ADCY1: variants seen among roughly 807,000 people sequenced by gnomAD.
ADCY1 encodes adenylate cyclase 1, also known as adenylate cyclase type 1.
ADCY1 carries 28 observed loss-of-function variants against 105.4 expected under a neutral mutation model. The ratio of observed to expected loss-of-function variants is 0.27; its 90% CI spans 0.20 to 0.36. The LOEUF is 0.36. Ranked by LOEUF, ADCY1 falls within the 10% of genes least tolerant of loss-of-function variation. The pLI is 1.00. For synonymous variants in ADCY1, 655 were observed against 623.8 expected (o/e 1.05, Z -0.75); for missense variants, 977 against 1,434.2 (o/e 0.68, Z 5.15).
chr7:45,625,282 C>T (rs1794019986), intron 4 of ADCY1, among the ~76,000 whole-genome samples: 1 of 152,170 alleles, frequency 6.6e-6, no homozygotes, highest in Admixed American at 6.5e-5. Context: ...TTGAAACCTA[C>T]TTGGCTCTTT....
intron 3 of ADCY1, among the ~76,000 whole-genome samples, chr7:45,620,430 A>C (rs961713687): frequency 1.3e-4 from 20 of 152,214 alleles, no homozygotes; most frequent in African/African-American, 4.8e-4. Context: ...AGTGTCAGGG[A>C]CTTAAGGGAC....
At chr7:45,644,244 C>T (rs542243674) in intron 4 of ADCY1, among the ~76,000 whole-genome samples, 19 of 152,280 alleles carry the variant, frequency 1.2e-4, no homozygotes, top group South Asian at 2.1e-4. Flanking sequence ...GGCCCTAGAG[C>T]GGCCTGGGCA....
intron 4 of ADCY1, among the ~76,000 whole-genome samples, chr7:45,642,091 C>T (rs1036090494): frequency 1.3e-5 from 2 of 152,038 alleles, no homozygotes; most frequent in African/African-American, 4.8e-5. Flanking sequence ...GTTTATTACT[C>T]ACAGCCTGTA....
intron 4 of ADCY1, among the ~76,000 whole-genome samples, chr7:45,627,680 A>G (rs1259206018): frequency 6.6e-6 from 1 of 152,192 alleles, no homozygotes; most frequent in African/African-American, 2.4e-5. Context: ...CTTTTTGGCC[A>G]GCAGGAGCCT....
chr7:45,705,421 C>G (rs1371948817), intron 17 of ADCY1, among the ~76,000 whole-genome samples: 1 of 151,940 alleles, frequency 6.6e-6, no homozygotes, highest in Non-Finnish European at 1.5e-5. Context: ...TTTAGTATTC[C>G]AAAATTAATT....
In ADCY1 at chr7:45,717,568, A is replaced by T. The variant is rs571292015; in HGVS notation, c.*3573A>T. The T allele has an allele frequency of 1.3e-5, 2 of 152,300 alleles. No individual in the cohort carries two copies. The highest frequency in any genetic ancestry group is 4.8e-5 in the African/African-American group (2 of 41,442). The allele number at this position is 152,300 out of a possible 1,614,324, so 9.4% of individuals were successfully genotyped here. A position where few individuals can be genotyped will look rare whatever the true frequency, so the allele number is the denominator to read the frequency against. On this transcript the variant is annotated 3_prime_UTR_variant, in exon 20 of 20. Coordinates refer to ENST00000297323, the MANE Select transcript of ADCY1 (RefSeq NM_021116.4). ...CAGGTGCTGCCTGTTTACTCGTACCAAAAATGAAGACAAGCCCCACACCCA... is the reference window on the plus strand; with the variant it reads ...CAGGTGCTGCCTGTTTACTCGTACCTAAAATGAAGACAAGCCCCACACCCA...
At chr7:45,697,593 T>C (rs1784911948) in intron 14 of ADCY1, among the ~76,000 whole-genome samples, 1 of 152,192 alleles carries the variant, frequency 6.6e-6, no homozygotes, top group South Asian at 2.1e-4. Flanking sequence ...TTTCTCCATG[T>C]TGGTCAGGCT....
Position 45,574,553 on chromosome 7 carries a change from G to A in ADCY1, c.10G>A (p.Ala4Thr), listed in dbSNP as rs1792261054. The change falls in exon 1 of 20, where the codon GCG becomes ACG. Residue 4 changes from alanine to threonine, a missense_variant. Ala to Thr is a moderately conservative substitution (Grantham distance 58, BLOSUM62 0). Coordinates refer to ENST00000297323, the MANE Select transcript of ADCY1 (RefSeq NM_021116.4). The surrounding 1 kb of genome is among the most constrained non-coding windows in gnomAD (Gnocchi z 7.0). The part of the protein sequence containing the change: MAG[A>T]PRGGGGGGGG... ...GCTGCATGGCGCTGAGATGGCGGGG[G>A]CGCCGCGCGGCGGAGGCGGCGGCGG... The A allele has an allele frequency of 3.1e-6, 3 of 977,478 alleles. No individual in the cohort carries two copies. Among genetic ancestry groups the A allele is most frequent in the Non-Finnish European group, 2.4e-6 (2 of 826,878 alleles). The allele number at this position is 977,478 out of a possible 1,614,324, so 60.6% of individuals were successfully genotyped here.
At chr7:45,634,755 T>C (rs932682031) in intron 4 of ADCY1, among the ~76,000 whole-genome samples, 3 of 152,202 alleles carry the variant, frequency 2.0e-5, no homozygotes, top group African/African-American at 7.2e-5. Flanking sequence ...GTTTTGACTT[T>C]CAATATTTTC....
At chr7:45,643,556 C>T (rs1454358320) in intron 4 of ADCY1, among the ~76,000 whole-genome samples, 1 of 151,710 alleles carries the variant, frequency 6.6e-6, no homozygotes, top group Admixed American at 6.6e-5. Flanking sequence ...TTTCTCATCG[C>T]TCGAAATAAT....
intron 5 of ADCY1, among the ~76,000 whole-genome samples, chr7:45,655,486 G>T (rs1158564473): frequency 6.6e-6 from 1 of 152,260 alleles, no homozygotes; most frequent in Non-Finnish European, 1.5e-5. Context: ...GGTTCTGTTG[G>T]ATTTAGACGA....
intron 11 of ADCY1, among the ~76,000 whole-genome samples, chr7:45,682,236 C>T (rs1684362331): frequency 6.6e-6 from 1 of 152,094 alleles, no homozygotes; most frequent in Admixed American, 6.5e-5. Context: ...TGTAGCTCAT[C>T]CCGGGAATCA....
chr7:45,705,510 G>A (rs923532425), intron 17 of ADCY1, among the ~76,000 whole-genome samples: 2 of 152,136 alleles, frequency 1.3e-5, no homozygotes, highest in African/African-American at 4.8e-5. Flanking sequence ...AATTATTTAA[G>A]TCTAACACCC....
intron 10 of ADCY1, among the ~76,000 whole-genome samples, chr7:45,679,110 C>T (rs1784513191): frequency 6.6e-6 from 1 of 152,134 alleles, no homozygotes; most frequent in Non-Finnish European, 1.5e-5. Context: ...TGAGTCTGCA[C>T]TTGCCACTTT....
intron 4 of ADCY1, among the ~76,000 whole-genome samples, chr7:45,645,740 G>T (rs879250134): frequency 6.6e-6 from 1 of 152,130 alleles, no homozygotes; most frequent in Admixed American, 6.5e-5. Flanking sequence ...CACATGAGAT[G>T]CAGGGATGAT....
At chr7:45,636,950 A>G (rs527425589) in intron 4 of ADCY1, among the ~76,000 whole-genome samples, 1 of 152,170 alleles carries the variant, frequency 6.6e-6, no homozygotes, top group Admixed American at 6.5e-5. Flanking sequence ...TGCATTAGTG[A>G]TGTGGTTAGG....
intron 3 of ADCY1, among the ~76,000 whole-genome samples, chr7:45,619,311 C>CT (rs955832091): frequency 2.0e-4 from 31 of 151,906 alleles, no homozygotes; most frequent in African/African-American, 7.0e-4. Context: ...TGTAGGGTGA[C>CT]TATAGTAAAC....
intron 8 of ADCY1, chr7:45,664,193 C>A: frequency 1.8e-6 from 2 of 1,108,256 alleles, no homozygotes; most frequent in Non-Finnish European, 2.6e-6. Context: ...CAAGGAAGTG[C>A]ACCGTTGGGC....
At chr7:45,711,920 T>TA (rs1785253040) in intron 19 of ADCY1, among the ~76,000 whole-genome samples, 1 of 102,236 alleles carries the variant, frequency 9.8e-6, no homozygotes, top group Non-Finnish European at 1.9e-5. Flanking sequence ...ATAAATATAT[T>TA]ATATATTATA....
Sources: allele counts gnomAD v4.1 joint callset (sites outside exome capture counted in the v4.1 genomes callset), GRCh38; gene constraint gnomAD v4.1.1; non-coding constraint Gnocchi (gnomAD v3.1); transcripts MANE v1.5; gene names NCBI Gene and HGNC (gene_info 2026-07-23, HGNC 2026-07-21).